Variants in ZNF654 observed in about 807,000 individuals in gnomAD.
ZNF654 encodes zinc finger protein 654.
Under a neutral mutation model 95.3 loss-of-function variants are expected in ZNF654, and 19 were observed. The ratio of observed to expected loss-of-function variants is 0.20; its 90% CI spans 0.14 to 0.29. The LOEUF (loss-of-function observed/expected upper bound fraction) is 0.29, where lower values mean the gene tolerates loss of function less well. ZNF654 is among the 10% of genes least tolerant of loss of function. ZNF654 has a pLI of 1.00. For synonymous variants in ZNF654, 413 were observed against 457.9 expected (o/e 0.90, Z 1.25); for missense variants, 1,046 against 1,341.0 (o/e 0.78, Z 3.44).
At chr3:88,134,568 C>T (rs760010779) in intron 6 of ZNF654, among the ~76,000 whole-genome samples, 9 of 151,940 alleles carry the variant, frequency 5.9e-5, no homozygotes, top group Non-Finnish European at 8.8e-5. Flanking sequence ...TTTAAAAGTA[C>T]GATATCTGAA....
intron 1 of ZNF654, among the ~76,000 whole-genome samples, chr3:88,079,132 CAACCT>C (rs1296694642): frequency 6.6e-6 from 1 of 152,024 alleles, no homozygotes; most frequent in African/African-American, 2.4e-5. Context: ...TTTGCTGACT[CAACCT>C]AAAGTAACTT....
intron 3 of ZNF654, among the ~76,000 whole-genome samples, chr3:88,118,734 G>A (rs1413934225): frequency 2.0e-5 from 3 of 152,064 alleles, no homozygotes; most frequent in African/African-American, 4.8e-5. Context: ...TTTTTGAGGC[G>A]AATTTTCAAA....
At position 88,139,903 on chromosome 3, in the gene ZNF654, A is replaced by G. The variant is rs1210422460; in HGVS notation, c.2234A>G (p.Asn745Ser). 2 of 1,613,266 alleles carry G rather than the reference A, an allele frequency of 1.2e-6. No homozygotes were observed. Among genetic ancestry groups the G allele is most frequent in the Admixed American group, 1.7e-5 (1 of 59,884 alleles). The change falls in exon 8 of 9, where the codon AAC becomes AGC. Residue 745 changes from asparagine to serine, a missense_variant. Physicochemically the swap from Asn to Ser is conservative, Grantham distance 46. Transcript: ENST00000636215. Reference sequence around the variant, plus strand: ...ATATATGCCACAGATCAAGAAGGAAACTTTAAGTGTCCTGCTCTTGGTTGT... The same window carrying G: ...ATATATGCCACAGATCAAGAAGGAAGCTTTAAGTGTCCTGCTCTTGGTTGT... ...KDIYATDQEGNFKCPALGCVR... is the reference protein window; with the variant it reads ...KDIYATDQEGSFKCPALGCVR...
At chr3:88,126,540 C>T (rs1444026407) in intron 4 of ZNF654, among the ~76,000 whole-genome samples, 4 of 142,740 alleles carry the variant, frequency 2.8e-5, no homozygotes, top group Non-Finnish European at 6.1e-5. Flanking sequence ...ATTTTTGTCA[C>T]TTCAGTTATA....
intron 2 of ZNF654, among the ~76,000 whole-genome samples, chr3:88,109,316 C>T (rs577779055): frequency 6.6e-6 from 1 of 152,122 alleles, no homozygotes; most frequent in African/African-American, 2.4e-5. Flanking sequence ...CTAAGTAGGA[C>T]TGAATAGAAA....
intron 1 of ZNF654, among the ~76,000 whole-genome samples, chr3:88,069,105 A>G (rs1027236968): frequency 3.3e-5 from 5 of 150,906 alleles, no homozygotes; most frequent in Non-Finnish European, 4.4e-5. Context: ...ATCAAATTCA[A>G]TCTAGCAGAA....
chr3:88,107,205 A>G (rs1704796789), intron 2 of ZNF654, among the ~76,000 whole-genome samples: 1 of 152,238 alleles, frequency 6.6e-6, no homozygotes, highest in South Asian at 2.1e-4. Context: ...ATCTTCCTCC[A>G]GTAAAATGGC....
rs7653652 is a variant in ZNF654, at chr3:88,140,191, T to C, written c.2522T>C (p.Ile841Thr). 0.84 allele frequency: 1,356,441 copies of C among 1,613,602 alleles called. 573,055 individuals are homozygous for C. The highest frequency in any genetic ancestry group is 0.91 in the South Asian group (82,596 of 91,076). The change falls in exon 8 of 9, where the codon ATA (isoleucine) becomes ACA (threonine). Residue 841 changes from isoleucine to threonine, a missense_variant. By Grantham distance (89) the Ile-to-Thr change is moderately conservative (BLOSUM62 -1). Transcript: ENST00000636215. ...QLAQHTKSHR[I>T]FQAQCSFPEC... ...GCCCAGCACACAAAAAGTCACAGGA[T>C]ATTTCAGGCTCAGTGTAGTTTTCCA...
intron 1 of ZNF654, among the ~76,000 whole-genome samples, chr3:88,069,387 A>G (rs1707380441): frequency 6.6e-6 from 1 of 152,184 alleles, no homozygotes; most frequent in Admixed American, 6.5e-5. Context: ...GCGCCGCTGC[A>G]CTTCAGCCTG....
At chr3:88,135,258 C>T (rs1706705947) in intron 7 of ZNF654, 56 bp downstream of exon 7, 7 of 1,279,640 alleles carry the variant, frequency 5.5e-6, no homozygotes, top group Non-Finnish European at 6.1e-6. Context: ...TTCACTGAAA[C>T]TTGAATCTCT....
chr3:88,111,534 G>T (rs1559717546), intron 2 of ZNF654, among the ~76,000 whole-genome samples: 1 of 151,624 alleles, frequency 6.6e-6, no homozygotes, highest in Non-Finnish European at 1.5e-5. Flanking sequence ...TCTCACTAAT[G>T]TTCCGTTAAT....
chr3:88,095,890 G>A, intron 2 of ZNF654: 1 of 431,280 alleles, frequency 2.3e-6, no homozygotes, highest in Non-Finnish European at 4.4e-6. Flanking sequence ...TTAACCACAT[G>A]CCTGTCTAGC....
intron 2 of ZNF654, among the ~76,000 whole-genome samples, chr3:88,109,880 TATG>T (rs1251437210): frequency 6.6e-6 from 1 of 152,158 alleles, no homozygotes; most frequent in Non-Finnish European, 1.5e-5. Context: ...TGCTAAATAT[TATG>T]ATACAATAAT....
At chr3:88,088,802 T>C (rs1225215050) in intron 2 of ZNF654, among the ~76,000 whole-genome samples, 1 of 145,660 alleles carries the variant, frequency 6.9e-6, no homozygotes, top group Non-Finnish European at 1.5e-5. Context: ...GGATGGAGTC[T>C]GGCTCTGTCG....
In ZNF654 at chr3:88,140,483, A is replaced by C. The variant is rs1421146524; in HGVS notation, c.2814A>C (p.Leu938Phe). 6.2e-7 allele frequency: 1 copy of C among 1,613,650 alleles called. No individual in the cohort carries two copies. Among genetic ancestry groups the C allele is most frequent in the African/African-American group, 1.3e-5 (1 of 74,918 alleles). The change falls in exon 8 of 9, where the codon TTA (leucine) becomes TTC (phenylalanine). Residue 938 changes from leucine to phenylalanine, a missense_variant. Transcript: ENST00000636215. ...GTATGGAAAAGAAAACAGACAGTTTAGTTCAGAATGGAAACGAACGTTCTG... is the reference window on the plus strand; with the variant it reads ...GTATGGAAAAGAAAACAGACAGTTTCGTTCAGAATGGAAACGAACGTTCTG... ...IESMEKKTDS[L>F]VQNGNERSDD...
chr3:88,061,715 G>T (rs986951670), intron 1 of ZNF654, among the ~76,000 whole-genome samples: 1 of 152,056 alleles, frequency 6.6e-6, no homozygotes, highest in Non-Finnish European at 1.5e-5. Flanking sequence ...GGGAAGCAGG[G>T]GGATTATTTA....
At chr3:88,071,634 T>C (rs1371240702) in intron 1 of ZNF654, among the ~76,000 whole-genome samples, 3 of 43,666 alleles carry the variant, frequency 6.9e-5, no homozygotes, top group Non-Finnish European at 1.6e-4. Context: ...AGACTCCATC[T>C]CAAAAACAAA....
chr3:88,106,785 TC>T (rs1200786241), intron 2 of ZNF654, among the ~76,000 whole-genome samples: 9 of 152,346 alleles, frequency 5.9e-5, no homozygotes, highest in African/African-American at 1.9e-4. Flanking sequence ...TAAACATTTC[TC>T]AGTAACCAAG....
At chr3:88,060,246 T>A (rs1706790162) in intron 1 of ZNF654, among the ~76,000 whole-genome samples, 1 of 152,194 alleles carries the variant, frequency 6.6e-6, no homozygotes, top group South Asian at 2.1e-4. Context: ...CAATATATAA[T>A]GTATTTTATT....
Sources: gnomAD v4.1 joint callset for allele counts (sites outside exome capture counted in the v4.1 genomes callset) on GRCh38, gnomAD v4.1.1 for gene constraint, MANE v1.5 for transcripts, NCBI Gene and HGNC (gene_info 2026-07-23, HGNC 2026-07-21) for gene names.